MICAL2: variants seen among roughly 807,000 people sequenced by gnomAD.
MICAL2 encodes the protein microtubule associated monooxygenase, calponin and LIM domain containing 2.
A neutral mutation model predicts 127.3 loss-of-function variants in MICAL2; 77 were observed. The observed-to-expected ratio is 0.60, with a 90% CI of 0.50 to 0.73. The LOEUF is 0.73. Among genes scored for constraint, MICAL2 ranks in the 30% least tolerant of loss-of-function variants. The pLI is 0.00. For missense variants in MICAL2, 1,351 were observed against 1,434.4 expected, an observed-to-expected ratio of 0.94 and a Z score of 0.94; for synonymous variants, 570 against 551.1, an observed-to-expected ratio of 1.03 and a Z score of -0.48.
chr11:12,172,812 T>G (rs1266383917), intron 3 of MICAL2, among the ~76,000 whole-genome samples: 1 of 151,926 alleles, frequency 6.6e-6, no homozygotes, highest in Non-Finnish European at 1.5e-5. Context: ...TGGTGCAAAC[T>G]TCCCGAGGCC....
At chr11:12,132,086 C>T (rs745989482) in intron 1 of MICAL2, among the ~76,000 whole-genome samples, 1 of 152,138 alleles carries the variant, frequency 6.6e-6, no homozygotes, top group Non-Finnish European at 1.5e-5. Flanking sequence ...GGCAGGGATC[C>T]AAGCCTAGGG....
chr11:12,232,489 G>A (rs1858424687), intron 15 of MICAL2, among the ~76,000 whole-genome samples: 1 of 152,206 alleles, frequency 6.6e-6, no homozygotes, highest in African/African-American at 2.4e-5. Context: ...TTGGGAGGCT[G>A]AGGTGGGCAG....
intron 1 of MICAL2, among the ~76,000 whole-genome samples, chr11:12,116,031 A>G (rs1589958493): frequency 7.4e-6 from 1 of 135,198 alleles, no homozygotes. Context: ...CCCAGGCTGG[A>G]GTGCAGTGGG....
chr11:12,173,987 G>A (rs1229260391), intron 3 of MICAL2, among the ~76,000 whole-genome samples: 2 of 151,970 alleles, frequency 1.3e-5, no homozygotes, highest in Non-Finnish European at 2.9e-5. Flanking sequence ...TTTTCGTACT[G>A]AGTTTTTGAA....
rs145729735 is a variant in MICAL2 at position 12,162,228 on chromosome 11, T to G, written c.73T>G (p.Cys25Gly). ...VFENFVQAST[C>G]KGTLQAFNIL... is the part of the protein sequence containing the mutation. ...TGAGAACTTTGTCCAGGCATCCACG[T>G]GCAAAGGTACCCTCCAGGCCTTCAA... The change falls in exon 3 of 28, where the codon TGC becomes GGC. Residue 25 changes from cysteine to glycine, a missense_variant. By Grantham distance (159) the Cys-to-Gly change is radical. Around this residue, in one of 2 missense-constraint regions of MICAL2, gnomAD observed 599 missense variants for 714.9 expected, o/e 0.84. Transcript: ENST00000683283. The G allele has an allele frequency of 2.0e-3, 3,272 of 1,614,188 alleles. 3 individuals carry two copies. Among genetic ancestry groups the G allele is most frequent in the Non-Finnish European group, 2.5e-3 (2,913 of 1,180,030 alleles).
intron 24 of MICAL2, among the ~76,000 whole-genome samples, chr11:12,258,066 T>A (rs1276145481): frequency 3.3e-5 from 5 of 152,196 alleles, no homozygotes; most frequent in East Asian, 3.8e-4. Context: ...GGATTTTTTT[T>A]AAATGTTGTC....
At chr11:12,337,289 C>A (rs527413602) in intron 32 of MICAL2, among the ~76,000 whole-genome samples, 2 of 151,942 alleles carry the variant, frequency 1.3e-5, no homozygotes, top group South Asian at 4.2e-4. Context: ...TCTGTGGGAT[C>A]GGTGGTGATA....
chr11:12,287,728 G>A (rs565307766), downstream of MICAL2, among the ~76,000 whole-genome samples: 24 of 152,330 alleles, frequency 1.6e-4, no homozygotes, highest in Admixed American at 1.4e-3. Context: ...GGCAGGTGCT[G>A]AGGCGGCAGG....
chr11:12,220,459 G>T lies in MICAL2; in HGVS notation c.1206+1G>T. The T allele has an allele frequency of 6.2e-7, 1 of 1,606,972 alleles. No homozygotes were observed. ...CCTTGTGGGTGACAGCTTGCTTGAG[G>T]TACTGCCTGAGCTCGGAGCCCCCAT... On this transcript the variant is annotated splice_donor_variant, in intron 9 of 27. Transcript: ENST00000683283. LOFTEE classifies it high-confidence loss of function.
In MICAL2 at chr11:12,221,717, G is replaced by A. The variant is rs200623078; in HGVS notation, c.1280G>A (p.Ser427Asn). ...TTTGACACGGCATGGATGGTGAAGAGCTGGAACCAGGGCACCCCTCCCCTG... is the reference window on the plus strand; with the variant it reads ...TTTGACACGGCATGGATGGTGAAGAACTGGAACCAGGGCACCCCTCCCCTG... ...AAFDTAWMVK[S>N]WNQGTPPLEL... Residue 427 changes from serine (S) to asparagine (N), a missense_variant, in exon 10 of 28, where the codon AGC becomes AAC. Coordinates refer to ENST00000683283, the MANE Select transcript of MICAL2 (RefSeq NM_001282663.2). The A allele has an allele frequency of 3.0e-4, 488 of 1,613,902 alleles. No homozygotes were observed. The highest frequency in any genetic ancestry group is 3.7e-4 in the Non-Finnish European group (437 of 1,179,904).
chr11:12,178,006 T>C (rs1371262339), intron 3 of MICAL2, among the ~76,000 whole-genome samples: 1 of 152,246 alleles, frequency 6.6e-6, no homozygotes, highest in Non-Finnish European at 1.5e-5. Context: ...GATAAGATGC[T>C]TGGTGGCTGG....
chr11:12,236,038 C>G, intron 15 of MICAL2, 139 bp from the exon 16 acceptor site: 1 of 714,262 alleles, frequency 1.4e-6, no homozygotes, highest in South Asian at 1.6e-5. Context: ...CCACTCCTGC[C>G]TGTAGGCTGA....
At chr11:12,181,536 A>T (rs1857481638) in intron 3 of MICAL2, among the ~76,000 whole-genome samples, 1 of 152,250 alleles carries the variant, frequency 6.6e-6, no homozygotes, top group African/African-American at 2.4e-5. Context: ...GGTTTTTTTA[A>T]CAGCTTACTT....
At chr11:12,202,497 C>T (rs1181573625) in intron 3 of MICAL2, among the ~76,000 whole-genome samples, 1 of 152,182 alleles carries the variant, frequency 6.6e-6, no homozygotes, top group Admixed American at 6.5e-5. Context: ...ACAGAAAGCA[C>T]TTGAAACCGT....
At chr11:12,279,835 C>A (rs1454348638) in intron 1 of MICAL2, among the ~76,000 whole-genome samples, 1 of 152,202 alleles carries the variant, frequency 6.6e-6, no homozygotes, top group Non-Finnish European at 1.5e-5. Flanking sequence ...CACATACTTC[C>A]CTCTGGGAAC....
chr11:12,288,362 T>C (rs1391043885), downstream of MICAL2, among the ~76,000 whole-genome samples: 1 of 152,122 alleles, frequency 6.6e-6, no homozygotes, highest in Non-Finnish European at 1.5e-5. Context: ...CCCACTCTAC[T>C]GTGTGCCACC....
intron 2 of MICAL2, among the ~76,000 whole-genome samples, chr11:12,156,675 TG>T (rs967713248): frequency 6.6e-6 from 1 of 152,180 alleles, no homozygotes; most frequent in African/African-American, 2.4e-5. Context: ...GGTGGGAAGA[TG>T]GGGTCTGTAG....
intron 2 of MICAL2, among the ~76,000 whole-genome samples, chr11:12,159,192 C>G (rs1175041981): frequency 6.6e-6 from 1 of 152,168 alleles, no homozygotes; most frequent in African/African-American, 2.4e-5. Flanking sequence ...CACTGGAGCC[C>G]GAAGACGAAG....
chr11:12,200,432 T>C (rs869282), intron 3 of MICAL2, among the ~76,000 whole-genome samples: 27,515 of 152,110 alleles, frequency 0.18, 4,097 homozygotes, highest in East Asian at 0.43. Flanking sequence ...GCTGGGGAAG[T>C]CCTCATCTCT....
Sources: gnomAD v4.1 joint callset for allele counts (sites outside exome capture counted in the v4.1 genomes callset) on GRCh38, gnomAD v4.1.1 for gene constraint, gnomAD v4.1.1 regional missense constraint, MANE v1.5 for transcripts, NCBI Gene and HGNC (gene_info 2026-07-23, HGNC 2026-07-21) for gene names.